TADA2A: variants seen among roughly 807,000 people sequenced by gnomAD.
TADA2A encodes the protein transcriptional adaptor 2A.
TADA2A carries 38 observed loss-of-function variants against 67.4 expected under a neutral mutation model. The observed-to-expected ratio is 0.56, with a 90% CI of 0.44 to 0.74. TADA2A has a LOEUF of 0.74. Ranked by LOEUF, TADA2A falls within the 30% of genes least tolerant of loss-of-function variation. The probability of loss-of-function intolerance (pLI) is 0.00; values close to 1 mark genes in which losing one functional copy is unlikely to be tolerated. For synonymous variants in TADA2A, 192 were observed against 181.6 expected (o/e 1.06, Z -0.46); for missense variants, 454 against 547.0 (o/e 0.83, Z 1.70).
rs1475014291 is a variant in TADA2A at position 37,467,439 on chromosome 17, TTTTGGGGAAAACAG to T, written c.824-13_824del. 6.2e-7 allele frequency: 1 copy of T among 1,611,248 alleles called. No individual in the cohort carries two copies. Among genetic ancestry groups the T allele is most frequent in the Non-Finnish European group, 8.5e-7 (1 of 1,179,134 alleles). ...TTTTTGTAATTTTTTCCTTCATTCCTTTTGGGGAAAACAGTGGAATTTGAACTCCGAAGGGAAAT... is the reference window on the plus strand; with the variant it reads ...TTTTTGTAATTTTTTCCTTCATTCCTTGGAATTTGAACTCCGAAGGGAAAT... On this transcript the variant is annotated splice_acceptor_variant and splice_polypyrimidine_tract_variant and intron_variant, in intron 11 of 15. Coordinates refer to ENST00000615182, the MANE Select transcript of TADA2A (RefSeq NM_001166105.3). LOFTEE classifies it high-confidence loss of function.
chr17:37,426,655 C>T, intron 3 of TADA2A: 1 of 187,580 alleles, frequency 5.3e-6, no homozygotes, highest in Non-Finnish European at 1.0e-5. Flanking sequence ...AAGAGCAAGA[C>T]TCCGTCTCAG....
intron 8 of TADA2A, among the ~76,000 whole-genome samples, chr17:37,448,464 G>A (rs2053142721): frequency 6.6e-6 from 1 of 152,194 alleles, no homozygotes; most frequent in Non-Finnish European, 1.5e-5. Flanking sequence ...ATTGAAATAA[G>A]CAGAAATGTT....
intron 14 of TADA2A, among the ~76,000 whole-genome samples, chr17:37,471,444 C>T (rs1353171257): frequency 6.6e-6 from 1 of 152,070 alleles, no homozygotes; most frequent in Non-Finnish European, 1.5e-5. Context: ...GTTGTGTCTA[C>T]CACTAATTTT....
At chr17:37,407,224 A>G in intron 1 of TADA2A, 1 of 152,000 alleles carries the variant, frequency 6.6e-6, no homozygotes. Context: ...CGGCCTCGCC[A>G]TTTCCCGCTC....
At chr17:37,457,823 T>A (rs2053437041) in intron 8 of TADA2A, among the ~76,000 whole-genome samples, 1 of 152,148 alleles carries the variant, frequency 6.6e-6, no homozygotes, top group African/African-American at 2.4e-5. Flanking sequence ...AGTACTCTGA[T>A]GCAATTTCTA....
Position 37,419,161 on chromosome 17 carries a change from C to T in TADA2A, c.26-4348C>T, listed in dbSNP as rs554981950. Among the ~76,000 whole-genome samples, 17 of 146,204 alleles carry T rather than the reference C, an allele frequency of 1.2e-4. 4 individuals carry two copies. In the South Asian group the frequency reaches 3.8e-3, roughly 33 times the overall value. ...CTGGAATGTTAAGAACTTACTTTTACAAAGTAATTGCTTTTTTTTTTCTTT... is the reference window on the plus strand; with the variant it reads ...CTGGAATGTTAAGAACTTACTTTTATAAAGTAATTGCTTTTTTTTTTCTTT... On this transcript the variant is annotated intron_variant, in intron 2 of 15. Coordinates refer to ENST00000615182, the MANE Select transcript of TADA2A (RefSeq NM_001166105.3).
At chr17:37,431,409 A>G (rs1470385468) in intron 4 of TADA2A, among the ~76,000 whole-genome samples, 4 of 151,898 alleles carry the variant, frequency 2.6e-5, no homozygotes, top group African/African-American at 7.3e-5. Flanking sequence ...ATAATACATC[A>G]TGTGCTAGGC....
intron 4 of TADA2A, among the ~76,000 whole-genome samples, chr17:37,437,222 G>A (rs545505505): frequency 9.3e-5 from 14 of 151,286 alleles, no homozygotes; most frequent in Admixed American, 5.9e-4. Context: ...CTCCCAAGTA[G>A]CTGGGACTAC....
chr17:37,469,632 T>C (rs2053743241), intron 12 of TADA2A, among the ~76,000 whole-genome samples: 1 of 152,094 alleles, frequency 6.6e-6, no homozygotes, highest in African/African-American at 2.4e-5. Flanking sequence ...AAACTCCGTC[T>C]CAAAAAAAGA....
intron 14 of TADA2A, among the ~76,000 whole-genome samples, chr17:37,472,386 T>C (rs561742840): frequency 6.8e-4 from 104 of 151,918 alleles, no homozygotes; most frequent in Non-Finnish European, 8.7e-4. Flanking sequence ...CTTTTTTTTT[T>C]CCCCCATTTA....
intron 8 of TADA2A, among the ~76,000 whole-genome samples, chr17:37,453,301 T>C (rs1440804499): frequency 6.6e-6 from 1 of 152,230 alleles, no homozygotes; most frequent in African/African-American, 2.4e-5. Flanking sequence ...GCATCAGCAT[T>C]GTACATTGCT....
intron 7 of TADA2A, 21 bp downstream of exon 7, chr17:37,442,673 G>A (rs1398341203): frequency 1.9e-6 from 3 of 1,608,576 alleles, no homozygotes; most frequent in Admixed American, 1.7e-5. Flanking sequence ...TGTGTTTTTA[G>A]CACAAAGTAG....
chr17:37,434,098 A>G (rs141148440), intron 4 of TADA2A, among the ~76,000 whole-genome samples: 1 of 152,342 alleles, frequency 6.6e-6, no homozygotes, highest in African/African-American at 2.4e-5. Context: ...GCATTTAGTC[A>G]TAATGTTTTC....
chr17:37,447,546 G>C (rs913578900), intron 8 of TADA2A, among the ~76,000 whole-genome samples: 2 of 152,158 alleles, frequency 1.3e-5, no homozygotes, highest in African/African-American at 4.8e-5. Flanking sequence ...AGGCCAAAGT[G>C]GGAGGATTTC....
At chr17:37,467,047 C>T (rs868294551) in intron 11 of TADA2A, among the ~76,000 whole-genome samples, 1 of 152,084 alleles carries the variant, frequency 6.6e-6, no homozygotes, top group South Asian at 2.1e-4. Flanking sequence ...ATCCCAGCTA[C>T]TCAGGACGCT....
At chr17:37,425,259 CTG>C (rs1281853944) in intron 3 of TADA2A, among the ~76,000 whole-genome samples, 2 of 152,138 alleles carry the variant, frequency 1.3e-5, no homozygotes, top group Non-Finnish European at 2.9e-5. Context: ...TTTGATGACA[CTG>C]TTTATTGTCT....
chr17:37,462,132 G>A lies in TADA2A; in HGVS notation c.712+11G>A, dbSNP rs760761334. ...TTAGAAAGTTTCAATGTAAGTATTA[G>A]CAGTTTTCTTTATTTTACAATTTTT... On this transcript the variant is annotated intron_variant, in intron 10 of 15. Coordinates refer to ENST00000615182, the MANE Select transcript of TADA2A (RefSeq NM_001166105.3). 25 of 1,513,538 alleles carry A rather than the reference G, an allele frequency of 1.7e-5. No individual in the cohort carries two copies. The highest frequency in any genetic ancestry group is 2.2e-5 in the Non-Finnish European group (24 of 1,106,000). 93.8% of individuals were successfully genotyped at this position (1,513,538 alleles called of 1,614,324 possible).
At chr17:37,470,794 A>G (rs574163349) in intron 13 of TADA2A, among the ~76,000 whole-genome samples, 2 of 151,904 alleles carry the variant, frequency 1.3e-5, no homozygotes, top group South Asian at 2.1e-4. Context: ...CATGACTTCA[A>G]CTCTCTCTTC....
At chr17:37,440,764 T>A in intron 6 of TADA2A, 102 bp downstream of exon 6, 2 of 1,388,922 alleles carry the variant, frequency 1.4e-6, no homozygotes, top group Non-Finnish European at 2.0e-6. Context: ...GCTAATGATA[T>A]CACGGAAGAT....
Sources: allele counts gnomAD v4.1 joint callset (sites outside exome capture counted in the v4.1 genomes callset), GRCh38; gene constraint gnomAD v4.1.1; transcripts MANE v1.5; gene names NCBI Gene and HGNC (gene_info 2026-07-23, HGNC 2026-07-21).